Variants in DNER observed in about 807,000 individuals in gnomAD.
DNER encodes delta/notch like EGF repeat containing.
Under a neutral mutation model 78.2 loss-of-function variants are expected in DNER, and 33 were observed. That is an observed-to-expected ratio of 0.42 (90% CI 0.32 to 0.56). The LOEUF is 0.56. DNER is among the 20% of genes least tolerant of loss of function. The probability of loss-of-function intolerance (pLI) is 0.11; values close to 1 mark genes in which losing one functional copy is unlikely to be tolerated. For missense variants in DNER, 918 were observed against 975.3 expected (o/e 0.94, Z 0.78); for synonymous variants, 417 against 384.8 (o/e 1.08, Z -0.98).
chr2:229,512,987 G>A (rs754146514), intron 5 of DNER, 51 bp from the exon 6 acceptor site: 1 of 1,560,146 alleles, frequency 6.4e-7, no homozygotes, highest in Non-Finnish European at 8.7e-7. Flanking sequence ...TCTCAACAGT[G>A]TGCTTTGGCT....
chr2:229,420,632 A>T (rs1693745105), intron 8 of DNER, among the ~76,000 whole-genome samples: 1 of 152,246 alleles, frequency 6.6e-6, no homozygotes, highest in South Asian at 2.1e-4. Context: ...GCCAACAGGC[A>T]TATGAAAATA....
chr2:229,359,486 A>C (rs942596154), intron 12 of DNER, among the ~76,000 whole-genome samples: 4 of 152,194 alleles, frequency 2.6e-5, no homozygotes, highest in Non-Finnish European at 4.4e-5. Flanking sequence ...GGAGTGCAAC[A>C]GGATTCAAAC....
chr2:229,407,413 A>G lies in DNER; in HGVS notation c.1610-68T>C, dbSNP rs555463642. 3,085 of 1,430,124 alleles carry G rather than the reference A, an allele frequency of 2.2e-3. 8 individuals carry two copies. The highest frequency in any genetic ancestry group is 8.4e-3 in the East Asian group (364 of 43,182). The allele number at this position is 1,430,124 out of a possible 1,614,324, so 88.6% of individuals were successfully genotyped here. The stretch of plus-strand genomic sequence containing the variant: ...TCTGGCTCCCATGGCCTCTGAAAGC[A>G]AAGTCGGAACTCTCTGGAACAATGC... On this transcript the variant is annotated intron_variant, in intron 9 of 12. Transcript: ENST00000341772.
chr2:229,670,405 C>T (rs377249512), intron 1 of DNER, among the ~76,000 whole-genome samples: 23 of 146,786 alleles, frequency 1.6e-4, no homozygotes, highest in Non-Finnish European at 1.0e-4. Context: ...TCATTGCACA[C>T]GGTGGGTAAT....
rs549948470 is a variant in DNER at position 229,368,598 on chromosome 2, G to A, written c.1856-1479C>T. The stretch of plus-strand genomic sequence containing the variant: ...TCACAATATCTTATGAGTTTAAAAT[G>A]TCTATATACACATTGAAAAGGTCAA... On this transcript the variant is annotated intron_variant, in intron 11 of 12. Transcript: ENST00000341772. Among the ~76,000 whole-genome samples, 239 of 152,332 alleles carry A rather than the reference G, an allele frequency of 1.6e-3. 1 individual carries two copies. Among genetic ancestry groups the A allele is most frequent in the South Asian group, 0.012 (58 of 4,824 alleles).
Position 229,591,678 on chromosome 2 carries a change from C to G in DNER, c.487G>C (p.Asp163His). The G allele has an allele frequency of 6.2e-7, 1 of 1,614,194 alleles. No homozygotes were observed. The highest frequency in any genetic ancestry group is 8.5e-7 in the Non-Finnish European group (1 of 1,180,020). The change falls in exon 2 of 13, where the codon GAC becomes CAC. Residue 163 changes from aspartate (D) to histidine (H), a missense_variant. Coordinates refer to ENST00000341772, the MANE Select transcript of DNER (RefSeq NM_139072.4). This position sits in a 1 kb window ranked among gnomAD's most constrained non-coding sequence, Gnocchi z 4.6. ...GCCTGAGAGCGAGGCAGGATTTTGT[C>G]AGGCTCCTGAGTAGCAGGAACAGGC... ...LQPVPATQEP[D>H]KILPRSQATV...
intron 1 of DNER, among the ~76,000 whole-genome samples, chr2:229,653,972 T>A (rs750967790): frequency 7.9e-5 from 12 of 152,222 alleles, no homozygotes; most frequent in Non-Finnish European, 1.6e-4. Flanking sequence ...TTCATTATTA[T>A]TATTATTATT....
intron 9 of DNER, among the ~76,000 whole-genome samples, chr2:229,411,932 G>A (rs1397036755): frequency 2.0e-5 from 3 of 152,078 alleles, no homozygotes; most frequent in Non-Finnish European, 4.4e-5. Flanking sequence ...CTCATGTTAT[G>A]TTGTAAAAAC....
intron 8 of DNER, among the ~76,000 whole-genome samples, chr2:229,445,275 A>G (rs1288079317): frequency 6.6e-6 from 1 of 152,320 alleles, no homozygotes; most frequent in Non-Finnish European, 1.5e-5. Context: ...CCGAATCCAC[A>G]TGGAAGAAAA....
At chr2:229,381,719 C>T (rs554945838) in intron 11 of DNER, among the ~76,000 whole-genome samples, 1 of 152,210 alleles carries the variant, frequency 6.6e-6, no homozygotes, top group Non-Finnish European at 1.5e-5. Context: ...AACCAGACAG[C>T]CTCTCTAGAT....
At chr2:229,361,600 G>A (rs780600430) in intron 12 of DNER, among the ~76,000 whole-genome samples, 7 of 152,046 alleles carry the variant, frequency 4.6e-5, no homozygotes, top group Non-Finnish European at 7.3e-5. Flanking sequence ...CACAAGAATC[G>A]CCCTTAGTGC....
intron 6 of DNER, among the ~76,000 whole-genome samples, chr2:229,512,380 C>CA (rs10658429): frequency 0.014 from 1,875 of 134,176 alleles, 54 homozygotes; most frequent in South Asian, 0.091. Flanking sequence ...GACTCTGTCT[C>CA]AAAAAAAAAA....
At chr2:229,559,729 T>G (rs1248026482) in intron 4 of DNER, among the ~76,000 whole-genome samples, 5 of 152,198 alleles carry the variant, frequency 3.3e-5, no homozygotes, top group Non-Finnish European at 4.4e-5. Flanking sequence ...CTAATGAGTT[T>G]AAAACTGTAA....
chr2:229,546,830 C>CAGATAGATAGATAGATAGATAGAT lies in DNER; in HGVS notation c.993+116_993+117insATCTATCTATCTATCTATCTATCT, dbSNP rs1262554079. 5.1e-4 allele frequency: 615 copies of CAGATAGATAGATAGATAGATAGAT among 1,214,814 alleles called. 4 individuals are homozygous for CAGATAGATAGATAGATAGATAGAT. In the African/African-American group the frequency reaches 7.6e-3, roughly 15 times the overall value. 75.3% of individuals were successfully genotyped at this position (1,214,814 alleles called of 1,614,324 possible). A position where few individuals can be genotyped will look rare whatever the true frequency, so the allele number is the denominator to read the frequency against. On this transcript the variant is annotated intron_variant, in intron 5 of 12. Transcript: ENST00000341772. Reference sequence around the variant, plus strand: ...ACAGACAGACAGACAGACAGACAGACAGATAGATAGATAGAGCAAGGATGA... The same window carrying CAGATAGATAGATAGATAGATAGAT: ...ACAGACAGACAGACAGACAGACAGACAGATAGATAGATAGATAGATAGATAGATAGATAGATAGAGCAAGGATGA...
intron 6 of DNER, among the ~76,000 whole-genome samples, chr2:229,505,671 C>A (rs997773691): frequency 6.6e-5 from 10 of 152,114 alleles, no homozygotes; most frequent in Non-Finnish European, 1.0e-4. Flanking sequence ...ACAAGAAAGA[C>A]CTTTCACATG....
chr2:229,651,322 C>T (rs1698812829), intron 1 of DNER, among the ~76,000 whole-genome samples: 1 of 152,180 alleles, frequency 6.6e-6, no homozygotes, highest in Non-Finnish European at 1.5e-5. Context: ...GACATAAACA[C>T]ACTTATAGAT....
chr2:229,472,417 T>C (rs753875267), intron 7 of DNER, among the ~76,000 whole-genome samples: 7 of 152,206 alleles, frequency 4.6e-5, no homozygotes, highest in Non-Finnish European at 1.0e-4. Flanking sequence ...GATTTCTTTT[T>C]ATTCTTTATT....
chr2:229,415,361 C>T (rs1476437215), intron 9 of DNER, among the ~76,000 whole-genome samples: 1 of 152,178 alleles, frequency 6.6e-6, no homozygotes, highest in Non-Finnish European at 1.5e-5. Flanking sequence ...CAGTCAATAC[C>T]TGGCTTTCAC....
At chr2:229,387,552 AAAG>A (rs1559337944) in intron 11 of DNER, among the ~76,000 whole-genome samples, 6 of 150,500 alleles carry the variant, frequency 4.0e-5, no homozygotes, top group African/African-American at 1.5e-4. Context: ...AGAAAGAAAG[AAAG>A]AAAGAAAGAA....
Sources: allele counts gnomAD v4.1 joint callset (sites outside exome capture counted in the v4.1 genomes callset), GRCh38; gene constraint gnomAD v4.1.1; non-coding constraint Gnocchi (gnomAD v3.1); transcripts MANE v1.5; gene names NCBI Gene and HGNC (gene_info 2026-07-23, HGNC 2026-07-21).